Variants in TMEM196 observed in about 807,000 individuals in gnomAD.
The protein encoded by TMEM196 is transmembrane protein 196.
A neutral mutation model predicts 20.0 loss-of-function variants in TMEM196; 17 were observed. The observed-to-expected ratio is 0.85, with a 90% CI of 0.58 to 1.27. The LOEUF is 1.27. TMEM196 is among the 50% of genes most tolerant of loss of function. The pLI is 0.00. For missense variants in TMEM196, 267 were observed against 223.0 expected (o/e 1.20, Z -1.26); for synonymous variants, 113 against 88.9 (o/e 1.27, Z -1.52).
chr7:19,755,177 T>C (rs948744293), intron 1 of TMEM196, among the ~76,000 whole-genome samples: 1 of 152,252 alleles, frequency 6.6e-6, no homozygotes, highest in Admixed American at 6.5e-5. Flanking sequence ...TTAACCTTTC[T>C]ACTTAGGCAA....
intron 1 of TMEM196, among the ~76,000 whole-genome samples, chr7:19,733,588 G>A (rs1482289086): frequency 2.0e-5 from 3 of 151,478 alleles, no homozygotes; most frequent in African/African-American, 7.3e-5. Context: ...GGGTAGCAAA[G>A]CTTCTCATTT....
chr7:19,720,717 C>T lies in TMEM196; in HGVS notation c.*1411G>A, dbSNP rs1783785932. ...TTGAATCTAGCTATACAAATGTTAG[C>T]CTATCTTTTCACTTTTTCCTCAAAG... On this transcript the variant is annotated 3_prime_UTR_variant, in exon 5 of 5. Transcript: ENST00000405844. 1 of 151,766 alleles carries T rather than the reference C, an allele frequency of 6.6e-6. No individual in the cohort carries two copies. The highest frequency in any genetic ancestry group is 2.4e-5 in the African/African-American group (1 of 41,388). 9.4% of individuals were successfully genotyped at this position (151,766 alleles called of 1,614,324 possible).
At chr7:19,725,325 T>G (rs1386929561) in intron 3 of TMEM196, among the ~76,000 whole-genome samples, 189 bp downstream of exon 3, 1 of 152,158 alleles carries the variant, frequency 6.6e-6, no homozygotes, top group East Asian at 1.9e-4. Flanking sequence ...TACAAAATGT[T>G]GTTGAAAATA....
chr7:19,759,001 T>C (rs1177088255), intron 1 of TMEM196, among the ~76,000 whole-genome samples: 4 of 152,220 alleles, frequency 2.6e-5, no homozygotes, highest in Non-Finnish European at 4.4e-5. Flanking sequence ...TCTTTACATA[T>C]TTATTTTTTT....
intron 1 of TMEM196, among the ~76,000 whole-genome samples, chr7:19,745,208 G>T (rs915384190): frequency 2.6e-5 from 4 of 152,014 alleles, no homozygotes; most frequent in African/African-American, 9.7e-5. Context: ...TTTTCTATGT[G>T]TATTATTTTT....
Position 19,721,560 on chromosome 7 carries a change from A to G in TMEM196, c.*568T>C, listed in dbSNP as rs1157603045. 6.6e-6 allele frequency: 1 copy of G among 152,058 alleles called. No homozygotes were observed. Among genetic ancestry groups the G allele is most frequent in the Non-Finnish European group, 1.5e-5 (1 of 67,918 alleles). 9.4% of individuals were successfully genotyped at this position (152,058 alleles called of 1,614,324 possible). ...GCTTGAGGTTTTTTGTCATTTACAAATAAATTATGAAATATATTTCATTCA... is the reference window on the plus strand; with the variant it reads ...GCTTGAGGTTTTTTGTCATTTACAAGTAAATTATGAAATATATTTCATTCA... On this transcript the variant is annotated 3_prime_UTR_variant, in exon 5 of 5. Transcript: ENST00000405844.
chr7:19,758,710 G>C, intron 1 of TMEM196, among the ~76,000 whole-genome samples: 1 of 152,118 alleles, frequency 6.6e-6, no homozygotes, highest in East Asian at 1.9e-4. Flanking sequence ...TGCTTTCAGT[G>C]CACACGTACT....
At chr7:19,750,903 G>A (rs945600837) in intron 1 of TMEM196, among the ~76,000 whole-genome samples, 4 of 152,122 alleles carry the variant, frequency 2.6e-5, no homozygotes, top group Non-Finnish European at 5.9e-5. Context: ...AAAGTGTTTT[G>A]TTTCCAAAGG....
intron 3 of TMEM196, among the ~76,000 whole-genome samples, chr7:19,724,817 T>C (rs1402345266): frequency 6.6e-6 from 1 of 152,186 alleles, no homozygotes; most frequent in African/African-American, 2.4e-5. Flanking sequence ...TCTTCTCTAC[T>C]AGATCCAGTA....
At chr7:19,764,472 G>C (rs1208127286) in intron 1 of TMEM196, among the ~76,000 whole-genome samples, 2 of 152,116 alleles carry the variant, frequency 1.3e-5, no homozygotes, top group African/African-American at 4.8e-5. Context: ...GACCCACAAA[G>C]ACTCCATTTC....
At chr7:19,754,658 A>G (rs1455908902) in intron 1 of TMEM196, among the ~76,000 whole-genome samples, 5 of 143,508 alleles carry the variant, frequency 3.5e-5, no homozygotes, top group Admixed American at 2.1e-4. Context: ...ATGAACTATA[A>G]GAAAAAGGAA....
chr7:19,757,337 C>CTTTTTTTTTTTTTTT (rs59859025), intron 1 of TMEM196, among the ~76,000 whole-genome samples: 320 of 70,856 alleles, frequency 4.5e-3, no homozygotes, highest in African/African-American at 6.8e-3. Flanking sequence ...CCACACCCAG[C>CTTTTTTTTTTTTTTT]TTTTTTTTTT....
chr7:19,727,127 C>G (rs1191861606), intron 2 of TMEM196, among the ~76,000 whole-genome samples: 1 of 152,166 alleles, frequency 6.6e-6, no homozygotes, highest in Non-Finnish European at 1.5e-5. Flanking sequence ...TTAGCCTGCA[C>G]TTATTGAGCA....
At chr7:19,755,777 C>T (rs1302668906) in intron 1 of TMEM196, among the ~76,000 whole-genome samples, 1 of 152,162 alleles carries the variant, frequency 6.6e-6, no homozygotes, top group Non-Finnish European at 1.5e-5. Flanking sequence ...TGCCTATATT[C>T]CAGCACTTTG....
At chr7:19,755,507 G>A (rs984537092) in intron 1 of TMEM196, among the ~76,000 whole-genome samples, 10 of 152,070 alleles carry the variant, frequency 6.6e-5, no homozygotes, top group Non-Finnish European at 4.4e-5. Flanking sequence ...CTAATAAAAA[G>A]TAACAGAGAG....
intron 1 of TMEM196, among the ~76,000 whole-genome samples, chr7:19,739,769 A>T (rs894804261): frequency 6.6e-6 from 1 of 152,172 alleles, no homozygotes; most frequent in African/African-American, 2.4e-5. Context: ...AATAAGAGAA[A>T]TGCAATTTCA....
chr7:19,745,748 T>G (rs1388793988), intron 1 of TMEM196, among the ~76,000 whole-genome samples: 1 of 148,052 alleles, frequency 6.8e-6, no homozygotes, highest in Admixed American at 6.9e-5. Context: ...AGGCACCCAG[T>G]GAGCCAGTAC....
chr7:19,768,128 T>C (rs1453447541), intron 1 of TMEM196, among the ~76,000 whole-genome samples: 1 of 152,104 alleles, frequency 6.6e-6, no homozygotes, highest in Non-Finnish European at 1.5e-5. Flanking sequence ...ATATAATTTG[T>C]AGATCAAATA....
intron 1 of TMEM196, among the ~76,000 whole-genome samples, chr7:19,764,468 C>T (rs907399780): frequency 3.9e-5 from 6 of 152,148 alleles, no homozygotes; most frequent in Non-Finnish European, 5.9e-5. Context: ...CAGTGACCCA[C>T]AAAGACTCCA....
Sources: allele counts gnomAD v4.1 joint callset (sites outside exome capture counted in the v4.1 genomes callset), GRCh38; gene constraint gnomAD v4.1.1; transcripts MANE v1.5; gene names NCBI Gene and HGNC (gene_info 2026-07-23, HGNC 2026-07-21).